Variants in EEF2K observed in about 807,000 individuals in gnomAD.
EEF2K encodes alternative protein EEF2K.
EEF2K carries 70 observed loss-of-function variants against 93.8 expected under a neutral mutation model. The observed-to-expected ratio is 0.75, with a 90% CI of 0.62 to 0.91. EEF2K has a LOEUF of 0.91. Ranked by LOEUF, EEF2K falls within the 40% of genes least tolerant of loss-of-function variation. The probability of loss-of-function intolerance (pLI) is 0.00; values close to 1 mark genes in which losing one functional copy is unlikely to be tolerated. For missense variants in EEF2K, 935 were observed against 972.9 expected, an observed-to-expected ratio of 0.96 and a Z score of 0.52; for synonymous variants, 376 against 380.8, an observed-to-expected ratio of 0.99 and a Z score of 0.15.
At chr16:22,211,422 A>G (rs963302458) in intron 1 of EEF2K, among the ~76,000 whole-genome samples, 3 of 151,980 alleles carry the variant, frequency 2.0e-5, no homozygotes, top group Non-Finnish European at 4.4e-5. Flanking sequence ...GTTACAACAC[A>G]GTAGGTTGTT....
At chr16:22,249,222 T>G (rs2047325081) in intron 4 of EEF2K, among the ~76,000 whole-genome samples, 1 of 150,750 alleles carries the variant, frequency 6.6e-6, no homozygotes, top group African/African-American at 2.4e-5. Flanking sequence ...CCTCCTGCCT[T>G]GGCCGCCCAG....
chr16:22,284,274 TTTTGTTTG>T lies in EEF2K; in HGVS notation c.*294_*301del, dbSNP rs796611452. 8.0e-6 allele frequency: 3 copies of T among 372,790 alleles called. No individual in the cohort carries two copies. The highest frequency in any genetic ancestry group is 3.1e-5 in the South Asian group (1 of 31,786). 23.1% of individuals were successfully genotyped at this position (372,790 alleles called of 1,614,324 possible). A position where few individuals can be genotyped will look rare whatever the true frequency, so the allele number is the denominator to read the frequency against. The stretch of plus-strand genomic sequence containing the variant: ...AACATACCGTTTTGTGTGTGGTTTT[TTTTGTTTG>T]TTTGTTTGTTTGTTTTGAGACAGAG... On this transcript the variant is annotated 3_prime_UTR_variant, in exon 18 of 18. Transcript: ENST00000263026.
At chr16:22,267,040 C>A (rs919935143) in intron 15 of EEF2K, among the ~76,000 whole-genome samples, 164 bp downstream of exon 15, 4 of 152,200 alleles carry the variant, frequency 2.6e-5, no homozygotes, top group Admixed American at 6.5e-5. Flanking sequence ...CAGGCCCCTC[C>A]AAGTTAGTTG....
intron 16 of EEF2K, among the ~76,000 whole-genome samples, chr16:22,279,182 A>G (rs2047668696): frequency 6.6e-6 from 1 of 150,430 alleles, no homozygotes; most frequent in Non-Finnish European, 1.5e-5. Flanking sequence ...ACTTTCATCT[A>G]TGGGAAAATT....
At chr16:22,279,717 G>A (rs1343062680) in intron 16 of EEF2K, among the ~76,000 whole-genome samples, 2 of 151,938 alleles carry the variant, frequency 1.3e-5, no homozygotes, top group Non-Finnish European at 2.9e-5. Context: ...AATATTGGCC[G>A]AGCACAGTGG....
At chr16:22,220,104 T>A (rs1043631604) in intron 1 of EEF2K, among the ~76,000 whole-genome samples, 2 of 152,186 alleles carry the variant, frequency 1.3e-5, no homozygotes, top group Non-Finnish European at 2.9e-5. Context: ...ACCCGGTGGT[T>A]CTCTTATCAA....
In EEF2K at chr16:22,280,181, CTG is replaced by C. The variant is rs938917485; in HGVS notation, c.1890-15_1890-14del. 8 of 1,456,482 alleles carry C rather than the reference CTG, an allele frequency of 5.5e-6. No homozygotes were observed. In the African/African-American group the frequency reaches 7.2e-5, roughly 13 times the overall value. The allele number at this position is 1,456,482 out of a possible 1,614,324, so 90.2% of individuals were successfully genotyped here. Reference sequence around the variant, plus strand: ...GCCATGGTAACCTCCACCTTTCCCTCTGTATCTCCTGGCAAGGTGCCAAGACT... The same window carrying C: ...GCCATGGTAACCTCCACCTTTCCCTCTATCTCCTGGCAAGGTGCCAAGACT... On this transcript the variant is annotated splice_polypyrimidine_tract_variant and intron_variant, in intron 16 of 17. Transcript: ENST00000263026.
intron 2 of EEF2K, among the ~76,000 whole-genome samples, chr16:22,235,880 C>T (rs1206148282): frequency 6.6e-6 from 1 of 152,204 alleles, no homozygotes; most frequent in Admixed American, 6.5e-5. Context: ...TCACTGTAGC[C>T]TCGACCTCCT....
At chr16:22,279,734 C>T (rs2047674611) in intron 16 of EEF2K, among the ~76,000 whole-genome samples, 1 of 152,074 alleles carries the variant, frequency 6.6e-6, no homozygotes, top group African/African-American at 2.4e-5. Context: ...GTGGCTCATG[C>T]CTGTAATCTC....
intron 2 of EEF2K, among the ~76,000 whole-genome samples, chr16:22,229,948 A>G (rs1282117629): frequency 1.3e-5 from 2 of 152,170 alleles, no homozygotes; most frequent in Non-Finnish European, 2.9e-5. Context: ...TAGTTGGGTA[A>G]TGTTTTCCCT....
intron 2 of EEF2K, among the ~76,000 whole-genome samples, chr16:22,243,838 G>A (rs2047251271): frequency 1.3e-5 from 2 of 148,500 alleles, no homozygotes; most frequent in Non-Finnish European, 3.0e-5. Context: ...TGGGAGGATC[G>A]CTTGAATCCA....
In EEF2K at chr16:22,280,326, A is replaced by G; in HGVS notation, c.2018A>G (p.Glu673Gly). The change falls in exon 17 of 18, where the codon GAG (glutamate) becomes GGG (glycine). Residue 673 changes from glutamate to glycine, a missense_variant. Glu to Gly is a moderately conservative substitution (Grantham distance 98). Coordinates refer to ENST00000263026, the MANE Select transcript of EEF2K (RefSeq NM_013302.5). ...PRYMMLAREA[E>G]MLFTGGYGLE... is the part of the protein sequence containing the mutation. ...TACATGATGCTGGCCAGGGAGGCCG[A>G]GATGCTGTTCACAGGAGGCTACGGG... 1 of 1,606,152 alleles carries G rather than the reference A, an allele frequency of 6.2e-7. No individual in the cohort carries two copies. The highest frequency in any genetic ancestry group is 8.5e-7 in the Non-Finnish European group (1 of 1,176,256).
chr16:22,261,793 C>A (rs2047466168), intron 11 of EEF2K, among the ~76,000 whole-genome samples: 1 of 151,768 alleles, frequency 6.6e-6, no homozygotes, highest in Non-Finnish European at 1.5e-5. Context: ...CCACTTGAGG[C>A]CAGGAGTTTA....
At chr16:22,272,700 C>T (rs2141684433) in intron 15 of EEF2K, among the ~76,000 whole-genome samples, 1 of 150,274 alleles carries the variant, frequency 6.7e-6, no homozygotes, top group African/African-American at 2.4e-5. Flanking sequence ...GTGTCTCTGT[C>T]ACCCAGGTTG....
chr16:22,273,518 C>A, intron 15 of EEF2K, 108 bp from the exon 16 acceptor site: 1 of 1,511,354 alleles, frequency 6.6e-7, no homozygotes, highest in Non-Finnish European at 8.9e-7. Context: ...AGCCTCCCAA[C>A]CCGGAGCTCT....
chr16:22,232,694 G>A (rs749447843), intron 2 of EEF2K, among the ~76,000 whole-genome samples: 17 of 152,090 alleles, frequency 1.1e-4, no homozygotes, highest in Non-Finnish European at 2.4e-4. Context: ...CCATTCCCTT[G>A]GTCCTGCGTA....
intron 1 of EEF2K, among the ~76,000 whole-genome samples, chr16:22,225,112 G>T (rs921786128): frequency 1.3e-5 from 2 of 152,270 alleles, no homozygotes; most frequent in Non-Finnish European, 2.9e-5. Context: ...TGATGAGAAA[G>T]AACCCACTGT....
intron 2 of EEF2K, among the ~76,000 whole-genome samples, chr16:22,238,044 C>T (rs375963775): frequency 9.2e-5 from 14 of 152,142 alleles, no homozygotes; most frequent in Admixed American, 1.3e-4. Flanking sequence ...AATCTCAGCA[C>T]TTTGGGAGGC....
In EEF2K at chr16:22,273,709, G is replaced by T. The variant is rs2047607707; in HGVS notation, c.1848G>T (p.Val616=). ...GCGACAGGCAGTCCATGATCCTAGT[G>T]GCGCGAGCTTTTGACTCTGGCCAGA... The part of the protein sequence containing the change: ...EAGDRQSMIL[V]ARAFDSGQNL... The change falls in exon 16 of 18, where the codon GTG becomes GTT. Residue 616 remains valine, a synonymous_variant. Coordinates refer to ENST00000263026, the MANE Select transcript of EEF2K (RefSeq NM_013302.5). 1 of 1,614,090 alleles carries T rather than the reference G, an allele frequency of 6.2e-7. No homozygotes were observed. Among genetic ancestry groups the T allele is most frequent in the Non-Finnish European group, 8.5e-7 (1 of 1,180,002 alleles).
Sources: allele counts gnomAD v4.1 joint callset (sites outside exome capture counted in the v4.1 genomes callset), GRCh38; gene constraint gnomAD v4.1.1; transcripts MANE v1.5; gene names NCBI Gene and HGNC (gene_info 2026-07-23, HGNC 2026-07-21).